Variants in SBF2 observed in about 807,000 individuals in gnomAD.
SBF2 encodes SET binding factor 2, also known as myotubularin-related protein 13.
SBF2 carries 112 observed loss-of-function variants against 225.2 expected under a neutral mutation model. The observed-to-expected ratio is 0.50, with a 90% CI of 0.43 to 0.58. SBF2 has a LOEUF of 0.58. SBF2 is among the 20% of genes least tolerant of loss of function. The probability of loss-of-function intolerance (pLI) is 0.00; values close to 1 mark genes in which losing one functional copy is unlikely to be tolerated. For missense variants in SBF2, 1,996 were observed against 2,206.2 expected, an observed-to-expected ratio of 0.90 and a Z score of 1.91; for synonymous variants, 763 against 773.3, an observed-to-expected ratio of 0.99 and a Z score of 0.22.
intron 2 of SBF2, among the ~76,000 whole-genome samples, chr11:10,175,965 G>A (rs1363958055): frequency 1.4e-5 from 2 of 144,884 alleles, no homozygotes; most frequent in Non-Finnish European, 3.0e-5. Flanking sequence ...TGAAACCAAC[G>A]AGAACAAAGA....
intron 1 of SBF2, among the ~76,000 whole-genome samples, chr11:10,238,390 A>G (rs1959165113): frequency 6.6e-6 from 1 of 152,164 alleles, no homozygotes; most frequent in Non-Finnish European, 1.5e-5. Flanking sequence ...GGCCTGGGCA[A>G]CAGAGTAAGG....
At chr11:10,289,367 G>A (rs970811640) in intron 1 of SBF2, among the ~76,000 whole-genome samples, 1 of 152,114 alleles carries the variant, frequency 6.6e-6, no homozygotes, top group Non-Finnish European at 1.5e-5. Flanking sequence ...TGACTTGGGT[G>A]GCTGCAGCAC....
Position 10,293,899 on chromosome 11 carries a change from C to T in SBF2, c.55+116G>A, listed in dbSNP as rs1190920762. The T allele has an allele frequency of 1.5e-5, 11 of 714,526 alleles. No individual in the cohort carries two copies. In the African/African-American group the frequency reaches 2.1e-4, roughly 13 times the overall value. 44.3% of individuals were successfully genotyped at this position (714,526 alleles called of 1,614,324 possible). A position where few individuals can be genotyped will look rare whatever the true frequency, so the allele number is the denominator to read the frequency against. On this transcript the variant is annotated intron_variant, in intron 1 of 39. Coordinates refer to ENST00000256190, the MANE Select transcript of SBF2 (RefSeq NM_030962.4). ...GCCGGACGCCGACCGCCCGCTCCTC[C>T]GAGACTCGGCCTGGCCCTCCCCGAC...
intron 26 of SBF2, among the ~76,000 whole-genome samples, chr11:9,837,722 T>C (rs2133947629): frequency 6.7e-6 from 1 of 149,576 alleles, no homozygotes; most frequent in African/African-American, 2.5e-5. Flanking sequence ...TATATTAGAT[T>C]TGTCCCTTAA....
chr11:10,110,560 T>C (rs528455009), intron 2 of SBF2, among the ~76,000 whole-genome samples: 137 of 152,276 alleles, frequency 9.0e-4, no homozygotes, highest in African/African-American at 3.1e-3. Context: ...CAAAATTTCA[T>C]AAAATTAGTA....
chr11:9,824,595 T>G (rs1854965081), intron 28 of SBF2, among the ~76,000 whole-genome samples: 1 of 150,954 alleles, frequency 6.6e-6, no homozygotes, highest in South Asian at 2.1e-4. Context: ...AGAAAAAGAT[T>G]GTTGAAAATC....
chr11:10,033,898 T>C (rs1300423048), intron 3 of SBF2, among the ~76,000 whole-genome samples: 2 of 152,102 alleles, frequency 1.3e-5, no homozygotes, highest in African/African-American at 4.8e-5. Flanking sequence ...TTTTCACCCA[T>C]TGGAAAGATG....
intron 2 of SBF2, among the ~76,000 whole-genome samples, chr11:10,138,561 A>G (rs533127365): frequency 6.6e-6 from 1 of 151,662 alleles, no homozygotes; most frequent in South Asian, 2.1e-4. Context: ...TAGATGATCA[A>G]TTTTAGACTT....
intron 32 of SBF2, among the ~76,000 whole-genome samples, chr11:9,804,969 G>A (rs1230825133): frequency 3.9e-5 from 6 of 152,098 alleles, no homozygotes; most frequent in African/African-American, 1.4e-4. Flanking sequence ...TATTAGCTGG[G>A]CATGGTGGCT....
chr11:9,779,185 T>C lies in SBF2; in HGVS notation c.*1233A>G, dbSNP rs1160756584. 1 of 152,668 alleles carries C rather than the reference T, an allele frequency of 6.6e-6. No homozygotes were observed. Among genetic ancestry groups the C allele is most frequent in the Non-Finnish European group, 1.5e-5 (1 of 68,046 alleles). 9.5% of individuals were successfully genotyped at this position (152,668 alleles called of 1,614,324 possible). The stretch of plus-strand genomic sequence containing the variant: ...GAACCATTTCATTATTGAAATCTTA[T>C]GAATGCATCAGTTAATTTATATTAA... On this transcript the variant is annotated 3_prime_UTR_variant, in exon 40 of 40. Transcript: ENST00000256190.
chr11:10,303,673 C>G lies in SBF2; in HGVS notation n.386+819G>C, dbSNP rs1964620659. 1 of 152,310 alleles carries G rather than the reference C, an allele frequency of 6.6e-6. No homozygotes were observed. Among genetic ancestry groups the G allele is most frequent in the East Asian group, 1.9e-4 (1 of 5,188 alleles). The allele number at this position is 152,310 out of a possible 1,614,324, so 9.4% of individuals were successfully genotyped here. On this transcript the variant is annotated intron_variant and non_coding_transcript_variant, in intron 1 of 5. Coordinates refer to the SBF2 transcript ENST00000685217. The surrounding 1 kb of genome is among the most constrained non-coding windows in gnomAD (Gnocchi z 5.2). ...TTGCCGGGAGGTGAGGACTAGAAGC[C>G]TGTTTGGCTAGTGGTCTCGCACCTT...
chr11:9,895,800 TA>T, intron 17 of SBF2, 142 bp downstream of exon 17: 1 of 701,726 alleles, frequency 1.4e-6, no homozygotes, highest in Admixed American at 2.0e-5. Flanking sequence ...TAGCATGCAA[TA>T]AATGTTATAA....
intron 16 of SBF2, chr11:9,960,015 T>A (rs1866459054): frequency 3.5e-6 from 1 of 285,008 alleles, no homozygotes; most frequent in African/African-American, 2.2e-5. Flanking sequence ...AGATGGGGTC[T>A]TGATAAGTTG....
At chr11:10,181,710 T>C (rs1246777696) in intron 2 of SBF2, among the ~76,000 whole-genome samples, 1 of 152,080 alleles carries the variant, frequency 6.6e-6, no homozygotes, top group African/African-American at 2.4e-5. Context: ...GAATGTTAAA[T>C]ACAAGTTACA....
intron 2 of SBF2, among the ~76,000 whole-genome samples, chr11:10,187,382 A>G (rs201617085): frequency 6.6e-6 from 1 of 151,708 alleles, no homozygotes; most frequent in East Asian, 1.9e-4. Flanking sequence ...GCTTGCTGAA[A>G]GCATGTCCAC....
At chr11:10,004,586 A>C (rs565667778) in intron 6 of SBF2, among the ~76,000 whole-genome samples, 35 of 148,878 alleles carry the variant, frequency 2.4e-4, no homozygotes, top group Admixed American at 5.3e-4. Flanking sequence ...AAAAAAAAAA[A>C]AAAAAAAAAC....
At chr11:10,278,395 A>C (rs1179431108) in intron 1 of SBF2, among the ~76,000 whole-genome samples, 1 of 152,246 alleles carries the variant, frequency 6.6e-6, no homozygotes, top group Non-Finnish European at 1.5e-5. Flanking sequence ...CTGCATAACC[A>C]ACCCCAAAAA....
intron 2 of SBF2, among the ~76,000 whole-genome samples, chr11:10,137,733 G>A (rs117587289): frequency 0.076 from 11,589 of 152,180 alleles, 632 homozygotes; most frequent in East Asian, 0.28. Flanking sequence ...GAGGCCGGGC[G>A]CGGTGGTTCA....
chr11:10,209,257 A>G (rs61892595), intron 1 of SBF2, among the ~76,000 whole-genome samples: 16,168 of 151,868 alleles, frequency 0.11, 1,066 homozygotes, highest in Non-Finnish European at 0.11. Context: ...CTTCTTCCCA[A>G]ATACAGTTTA....
Sources: gnomAD v4.1 joint callset for allele counts (sites outside exome capture counted in the v4.1 genomes callset) on GRCh38, gnomAD v4.1.1 for gene constraint, Gnocchi (gnomAD v3.1) non-coding constraint, MANE v1.5 for transcripts, NCBI Gene and HGNC (gene_info 2026-07-23, HGNC 2026-07-21) for gene names.